The following CADPS2 variants were observed in gnomAD, a reference collection of about 807,000 sequenced individuals.
CADPS2 encodes calcium dependent secretion activator 2, also known as calcium-dependent secretion activator 2.
In CADPS2, 93 loss-of-function variants were observed where a neutral mutation model predicts 172.5. The observed-to-expected ratio is 0.54, with a 90% CI of 0.46 to 0.64. The LOEUF (loss-of-function observed/expected upper bound fraction) is 0.64, where lower values mean the gene tolerates loss of function less well. Among genes scored for constraint, CADPS2 ranks in the 30% least tolerant of loss-of-function variants. CADPS2 has a pLI of 0.00. For missense variants in CADPS2, 1,420 were observed against 1,565.9 expected, an observed-to-expected ratio of 0.91 and a Z score of 1.57; for synonymous variants, 546 against 555.2, an observed-to-expected ratio of 0.98 and a Z score of 0.23.
At chr7:122,615,078 A>G in intron 6 of CADPS2, 103 bp downstream of exon 6, 1 of 565,240 alleles carries the variant, frequency 1.8e-6, no homozygotes, top group Non-Finnish European at 3.0e-6. Flanking sequence ...TAGCAGTTTT[A>G]GAGGGTAATA....
chr7:122,476,482 A>C (rs1045252929), intron 12 of CADPS2, among the ~76,000 whole-genome samples: 1 of 152,182 alleles, frequency 6.6e-6, no homozygotes, highest in Non-Finnish European at 1.5e-5. Context: ...TCTATAATTA[A>C]ATCATATTTT....
chr7:122,463,412 C>A (rs2054716781), intron 14 of CADPS2, among the ~76,000 whole-genome samples: 1 of 152,006 alleles, frequency 6.6e-6, no homozygotes, highest in South Asian at 2.1e-4. Context: ...CTCCACCTCC[C>A]AGGTTCATGC....
intron 3 of CADPS2, among the ~76,000 whole-genome samples, chr7:122,642,451 C>G (rs1325771699): frequency 2.0e-5 from 3 of 151,896 alleles, no homozygotes; most frequent in East Asian, 1.9e-4. Context: ...TGCAGAAGTC[C>G]TAGGGAGAAC....
In CADPS2 at chr7:122,393,645, G is replaced by A; in HGVS notation, c.2747-63C>T. On this transcript the variant is annotated intron_variant, in intron 20 of 29. Transcript: ENST00000449022. ...ATAATATCAGACATTTGGAAAATAT[G>A]GGCCAAAAAAACACGTTTTCTGAGA... 8 of 1,584,828 alleles carry A rather than the reference G, an allele frequency of 5.0e-6. No homozygotes were observed. In the South Asian group the frequency reaches 8.0e-5, roughly 16 times the overall value.
chr7:122,338,672 C>G (rs1437682004), intron 28 of CADPS2, among the ~76,000 whole-genome samples: 4 of 152,026 alleles, frequency 2.6e-5, no homozygotes, highest in Non-Finnish European at 5.9e-5. Flanking sequence ...TTGTGAAGAC[C>G]ATATAACAAC....
rs77790568 is a variant in CADPS2 at position 122,758,864 on chromosome 7, G to C, written c.340-21796C>G. Among the ~76,000 whole-genome samples the C allele has an allele frequency of 3.7e-3, 567 of 152,002 alleles. 11 individuals are homozygous for C. Among genetic ancestry groups the C allele is most frequent in the Admixed American group, 0.025 (375 of 15,260 alleles). ...ACTAATCTTCATCACCAGAGTTTAG[G>C]GGAGGAAAAAAACAGGAAAAATCAA... On this transcript the variant is annotated intron_variant, in intron 1 of 29. Transcript: ENST00000449022.
intron 27 of CADPS2, among the ~76,000 whole-genome samples, chr7:122,353,619 A>G (rs918229648): frequency 5.3e-5 from 8 of 152,204 alleles, no homozygotes; most frequent in Non-Finnish European, 7.4e-5. Flanking sequence ...TTAAAAATCA[A>G]CATACATCCT....
chr7:122,821,367 C>T (rs1386568751), intron 1 of CADPS2, among the ~76,000 whole-genome samples: 4 of 152,092 alleles, frequency 2.6e-5, no homozygotes, highest in African/African-American at 4.8e-5. Context: ...AAGGAAATAA[C>T]TTCTCAGTGT....
chr7:122,395,504 T>A (rs529315485), intron 20 of CADPS2: 1 of 152,196 alleles, frequency 6.6e-6, no homozygotes, highest in African/African-American at 2.4e-5. Flanking sequence ...TCCTGGAGAT[T>A]CAATCATCGA....
chr7:122,645,693 T>C (rs1342816596), intron 3 of CADPS2, among the ~76,000 whole-genome samples: 2 of 118,724 alleles, frequency 1.7e-5, no homozygotes, highest in African/African-American at 6.0e-5. Context: ...CTTGGGATTT[T>C]GCTCTTAGTT....
intron 2 of CADPS2, among the ~76,000 whole-genome samples, chr7:122,680,695 C>G (rs541876472): frequency 4.6e-5 from 7 of 152,312 alleles, no homozygotes; most frequent in South Asian, 4.1e-4. Flanking sequence ...GCCTGGGCAA[C>G]AGAGTGAGAC....
At chr7:122,490,022 A>AT in intron 11 of CADPS2, 59 bp downstream of exon 11, 2 of 1,474,676 alleles carry the variant, frequency 1.4e-6, no homozygotes. Flanking sequence ...ATTTGCCTCA[A>AT]TTTTATATCT....
intron 1 of CADPS2, among the ~76,000 whole-genome samples, chr7:122,852,104 TC>T (rs201588839): frequency 0.011 from 1,602 of 152,346 alleles, 22 homozygotes; most frequent in East Asian, 0.059. Context: ...AAAGTTTTTT[TC>T]TATTAAAAAT....
intron 15 of CADPS2, among the ~76,000 whole-genome samples, chr7:122,444,097 T>C (rs147287975): frequency 9.7e-4 from 148 of 152,296 alleles, no homozygotes; most frequent in Middle Eastern, 3.4e-3. Context: ...GTCTGATTTC[T>C]TTCACTTAGC....
At chr7:122,369,424 C>T (rs2041476206) in intron 25 of CADPS2, among the ~76,000 whole-genome samples, 2 of 152,162 alleles carry the variant, frequency 1.3e-5, no homozygotes, top group African/African-American at 4.8e-5. Flanking sequence ...AGCCACTGCG[C>T]CCAGTCTTCC....
At chr7:122,814,776 C>T (rs906966693) in intron 1 of CADPS2, among the ~76,000 whole-genome samples, 4 of 152,066 alleles carry the variant, frequency 2.6e-5, no homozygotes, top group Non-Finnish European at 4.4e-5. Context: ...GTTTTCATTA[C>T]ATGGAATTGA....
chr7:122,330,854 C>T (rs946694941), intron 28 of CADPS2: 6 of 152,168 alleles, frequency 3.9e-5, no homozygotes, highest in African/African-American at 1.4e-4. Context: ...CCCATTTATG[C>T]TACTATTTGC....
At chr7:122,770,497 C>T (rs1480144590) in intron 1 of CADPS2, among the ~76,000 whole-genome samples, 3 of 152,138 alleles carry the variant, frequency 2.0e-5, no homozygotes, top group Admixed American at 2.0e-4. Context: ...GTATCTGCTG[C>T]AACTCACAAG....
intron 6 of CADPS2, among the ~76,000 whole-genome samples, chr7:122,598,346 A>G (rs1360658439): frequency 2.0e-5 from 3 of 152,070 alleles, no homozygotes; most frequent in Admixed American, 2.0e-4. Context: ...GAAACGTTCA[A>G]ATTCTAGCTT....
Sources: allele counts gnomAD v4.1 joint callset (sites outside exome capture counted in the v4.1 genomes callset), GRCh38; gene constraint gnomAD v4.1.1; transcripts MANE v1.5; gene names NCBI Gene and HGNC (gene_info 2026-07-23, HGNC 2026-07-21).